EXOC6: variants seen among roughly 807,000 people sequenced by gnomAD.
EXOC6 encodes exocyst complex component 6.
EXOC6 carries 60 observed loss-of-function variants against 112.5 expected under a neutral mutation model. The observed-to-expected ratio is 0.53, with a 90% CI of 0.43 to 0.66. The LOEUF (loss-of-function observed/expected upper bound fraction) is 0.66. Among genes scored for constraint, EXOC6 ranks in the 30% least tolerant of loss-of-function variants. The pLI, the probability that EXOC6 is intolerant of heterozygous loss-of-function variation, is 0.00. For synonymous variants in EXOC6, 295 were observed against 308.0 expected (o/e 0.96, Z 0.44); for missense variants, 855 against 957.1 (o/e 0.89, Z 1.41).
At chr10:92,835,741 AG>A (rs1406292794) in intron 1 of EXOC6, among the ~76,000 whole-genome samples, 1 of 152,180 alleles carries the variant, frequency 6.6e-6, no homozygotes, top group African/African-American at 2.4e-5. Flanking sequence ...ATATCTTCAA[AG>A]GTCTTAGGGT....
intron 19 of EXOC6, among the ~76,000 whole-genome samples, chr10:93,009,831 A>G (rs1416771149): frequency 6.6e-6 from 1 of 152,198 alleles, no homozygotes; most frequent in African/African-American, 2.4e-5. Context: ...GACAAAGGCT[A>G]GATTGCAAAG....
chr10:92,850,242 T>G (rs1847257649), intron 1 of EXOC6, among the ~76,000 whole-genome samples: 1 of 152,228 alleles, frequency 6.6e-6, no homozygotes, highest in East Asian at 1.9e-4. Flanking sequence ...AAGAAAAATT[T>G]GAAATATATT....
intron 1 of EXOC6, among the ~76,000 whole-genome samples, chr10:92,892,070 A>G (rs1387159027): frequency 2.0e-5 from 3 of 152,166 alleles, no homozygotes; most frequent in Non-Finnish European, 4.4e-5. Context: ...GGGACTTGAA[A>G]TGAACCTCAA....
At position 92,937,910 on chromosome 10, in the gene EXOC6, T is replaced by C. The variant is rs546324662; in HGVS notation, c.1212+2025T>C. Among the ~76,000 whole-genome samples the C allele has an allele frequency of 6.6e-5, 10 of 152,298 alleles. No individual in the cohort carries two copies. In the South Asian group the frequency reaches 2.1e-3, roughly 32 times the overall value. On this transcript the variant is annotated intron_variant, in intron 12 of 21. Coordinates refer to ENST00000260762, the MANE Select transcript of EXOC6 (RefSeq NM_019053.6). ...AAACTGTTTGTTACTAGTCTGCAAA[T>C]TATCTGTTAGATCCATAACAAAAAG...
chr10:92,996,717 C>T (rs1026870906), intron 18 of EXOC6, among the ~76,000 whole-genome samples: 3 of 152,034 alleles, frequency 2.0e-5, no homozygotes, highest in Non-Finnish European at 4.4e-5. Context: ...CAATTTAGGC[C>T]ATCAGTAAAG....
chr10:92,877,291 A>C (rs1848723551), intron 1 of EXOC6, among the ~76,000 whole-genome samples: 1 of 151,766 alleles, frequency 6.6e-6, no homozygotes, highest in African/African-American at 2.4e-5. Context: ...ATCTCCTTTT[A>C]TCTTTTTTTT....
chr10:92,948,447 A>G lies in EXOC6; in HGVS notation c.1416+68A>G, dbSNP rs1853169356. ...TTCATAGTATTTGTTACTACATAAT[A>G]TTAAATATTAAGCTGAGACTGTAAA... On this transcript the variant is annotated intron_variant, in intron 14 of 21. Transcript: ENST00000260762. 3.3e-6 allele frequency: 3 copies of G among 906,884 alleles called. No homozygotes were observed. In the East Asian group the frequency reaches 8.4e-5, roughly 25 times the overall value. 56.2% of individuals were successfully genotyped at this position (906,884 alleles called of 1,614,324 possible).
chr10:92,862,431 T>C (rs1420857591), intron 1 of EXOC6, among the ~76,000 whole-genome samples: 1 of 152,008 alleles, frequency 6.6e-6, no homozygotes, highest in Non-Finnish European at 1.5e-5. Flanking sequence ...ACATCACTCA[T>C]GAATGGGACC....
At chr10:92,862,486 T>C (rs570440207) in intron 1 of EXOC6, among the ~76,000 whole-genome samples, 1 of 152,134 alleles carries the variant, frequency 6.6e-6, no homozygotes, top group Non-Finnish European at 1.5e-5. Flanking sequence ...GAGAGCTAGC[T>C]TGCCCCTTCC....
At position 92,920,001 on chromosome 10, in the gene EXOC6, T is replaced by A. The variant is rs1156544167; in HGVS notation, c.839T>A (p.Leu280His). ...NEEEILTVQDLVDFSPVYRCL... is the reference protein window; with the variant it reads ...NEEEILTVQDHVDFSPVYRCL... ...TTTCAGATCTTAACTGTTCAGGATC[T>A]TGTTGATTTTTCCCCTGTTTATCGA... The change falls in exon 8 of 22, where the codon CTT becomes CAT. Residue 280 changes from leucine (L) to histidine (H), a missense_variant. Around this residue, in one of 2 missense-constraint regions of EXOC6, gnomAD observed 405 missense variants for 393.6 expected, o/e 1.03. Coordinates refer to ENST00000260762, the MANE Select transcript of EXOC6 (RefSeq NM_019053.6). 1.2e-6 allele frequency: 2 copies of A among 1,606,940 alleles called. No individual in the cohort carries two copies. Among genetic ancestry groups the A allele is most frequent in the Non-Finnish European group, 1.7e-6 (2 of 1,176,360 alleles).
chr10:92,991,207 G>A (rs532621322), intron 18 of EXOC6, among the ~76,000 whole-genome samples: 28 of 151,712 alleles, frequency 1.8e-4, no homozygotes, highest in African/African-American at 6.8e-4. Context: ...GGAGGCCGAG[G>A]TGGGCGGATT....
chr10:92,907,707 G>A (rs1850521578), intron 5 of EXOC6, among the ~76,000 whole-genome samples: 1 of 152,132 alleles, frequency 6.6e-6, no homozygotes, highest in East Asian at 1.9e-4. Flanking sequence ...GGATCAGATA[G>A]TGTGGTTTGA....
chr10:92,990,299 G>A (rs1589986984), intron 18 of EXOC6, among the ~76,000 whole-genome samples: 1 of 152,174 alleles, frequency 6.6e-6, no homozygotes, highest in East Asian at 1.9e-4. Context: ...GGCTAATCTT[G>A]GTGAGAAATT....
Position 92,887,322 on chromosome 10 carries a change from T to TATTTTTA in EXOC6, c.102-6024_102-6018dup, listed in dbSNP as rs1352959706. ...CTTATTAGCAAATTTCTAGACTAGT[T>TATTTTTA]ATTTTTAATATTACTTTTTATCAAC... is the stretch of plus-strand genomic sequence containing the variant. On this transcript the variant is annotated intron_variant, in intron 1 of 21. Transcript: ENST00000260762. 2.0e-5 allele frequency among the ~76,000 whole-genome samples: 3 copies of TATTTTTA among 152,174 alleles called. No individual in the cohort carries two copies. In the East Asian group the frequency reaches 5.8e-4, roughly 29 times the overall value.
chr10:93,042,945 TATTATTATTA>T (rs1336819043), intron 20 of EXOC6, among the ~76,000 whole-genome samples: 1 of 144,374 alleles, frequency 6.9e-6, no homozygotes. Context: ...TTATTATTAT[TATTATTATTA>T]TTATTTTTTG....
At chr10:92,960,574 A>T (rs1853929029) in intron 17 of EXOC6, among the ~76,000 whole-genome samples, 1 of 148,382 alleles carries the variant, frequency 6.7e-6, no homozygotes. Flanking sequence ...TACTCTAAAA[A>T]ATAGTCTATT....
intron 18 of EXOC6, among the ~76,000 whole-genome samples, chr10:92,982,115 C>CA (rs921523669): frequency 2.0e-4 from 31 of 151,468 alleles, no homozygotes; most frequent in Middle Eastern, 3.2e-3. Flanking sequence ...GACTCCGTCT[C>CA]AAAAAAAACC....
chr10:92,952,858 A>G (rs943683528), intron 15 of EXOC6, among the ~76,000 whole-genome samples: 2 of 152,202 alleles, frequency 1.3e-5, no homozygotes, highest in Admixed American at 6.5e-5. Context: ...ATTGCTATCA[A>G]TGGGGAGGTG....
intron 20 of EXOC6, among the ~76,000 whole-genome samples, chr10:93,047,669 C>T (rs1287755363): frequency 6.6e-6 from 1 of 151,940 alleles, no homozygotes; most frequent in Non-Finnish European, 1.5e-5. Context: ...AGAGAGAGGC[C>T]AGGCACGGTG....
Sources: allele counts gnomAD v4.1 joint callset (sites outside exome capture counted in the v4.1 genomes callset), GRCh38; gene constraint gnomAD v4.1.1; regional missense constraint gnomAD v4.1.1; transcripts MANE v1.5; gene names NCBI Gene and HGNC (gene_info 2026-07-23, HGNC 2026-07-21).